Variants in EPB41L4B observed in about 807,000 individuals in gnomAD.
EPB41L4B encodes erythrocyte membrane protein band 4.1 like 4B.
In EPB41L4B, 30 loss-of-function variants were observed where a neutral mutation model predicts 112.5. The ratio of observed to expected loss-of-function variants is 0.27; its 90% CI spans 0.20 to 0.36. The LOEUF (loss-of-function observed/expected upper bound fraction) is 0.36. Ranked by LOEUF, EPB41L4B falls within the 10% of genes least tolerant of loss-of-function variation. The probability of loss-of-function intolerance (pLI) is 1.00; values close to 1 mark genes in which losing one functional copy is unlikely to be tolerated. For synonymous variants in EPB41L4B, 408 were observed against 439.7 expected (o/e 0.93, Z 0.90); for missense variants, 1,024 against 1,133.3 (o/e 0.90, Z 1.38).
intron 1 of EPB41L4B, among the ~76,000 whole-genome samples, chr9:109,283,796 T>G (rs1430839329): frequency 6.6e-6 from 1 of 152,108 alleles, no homozygotes; most frequent in Non-Finnish European, 1.5e-5. Context: ...AAGTTGTAAA[T>G]GCACTTAAGG....
At chr9:109,175,512 C>G (rs1376908943) in intron 25 of EPB41L4B, among the ~76,000 whole-genome samples, 1 of 142,470 alleles carries the variant, frequency 7.0e-6, no homozygotes, top group African/African-American at 2.8e-5. Flanking sequence ...CACACACACA[C>G]AGAGTAAATA....
At chr9:109,306,254 G>A (rs80067155) in intron 1 of EPB41L4B, among the ~76,000 whole-genome samples, 1 of 152,170 alleles carries the variant, frequency 6.6e-6, no homozygotes, top group Non-Finnish European at 1.5e-5. Context: ...AAAAGGAAGG[G>A]AAGGAGCCCT....
chr9:109,244,635 A>G (rs1462357264), intron 14 of EPB41L4B, among the ~76,000 whole-genome samples: 1 of 151,724 alleles, frequency 6.6e-6, no homozygotes, highest in Non-Finnish European at 1.5e-5. Flanking sequence ...TTTTAAGAAG[A>G]GAACACAGAC....
chr9:109,317,233 T>C (rs1837667831), intron 1 of EPB41L4B, among the ~76,000 whole-genome samples: 1 of 152,234 alleles, frequency 6.6e-6, no homozygotes, highest in Non-Finnish European at 1.5e-5. Context: ...ATACAACAAC[T>C]GGCCTGTGGC....
chr9:109,205,814 C>T (rs1832974336), intron 18 of EPB41L4B, among the ~76,000 whole-genome samples: 1 of 152,160 alleles, frequency 6.6e-6, no homozygotes, highest in Non-Finnish European at 1.5e-5. Flanking sequence ...TCTCCATTTT[C>T]ATAGGAGAGA....
intron 6 of EPB41L4B, among the ~76,000 whole-genome samples, chr9:109,262,673 A>T (rs557242196): frequency 8.7e-4 from 132 of 152,214 alleles, no homozygotes; most frequent in Non-Finnish European, 1.6e-3. Context: ...ACTGCATGAA[A>T]TTCTTTCTCT....
At chr9:109,255,445 C>T (rs1205363471) in intron 11 of EPB41L4B, 66 bp downstream of exon 11, 1 of 1,581,136 alleles carries the variant, frequency 6.3e-7, no homozygotes, top group South Asian at 1.1e-5. Context: ...TATTCGCATA[C>T]AAGAAAGAAA....
intron 1 of EPB41L4B, among the ~76,000 whole-genome samples, chr9:109,285,055 C>T (rs191338585): frequency 6.6e-6 from 1 of 152,322 alleles, no homozygotes; most frequent in South Asian, 2.1e-4. Flanking sequence ...AAATCCATAT[C>T]GCCAACCCAG....
At chr9:109,277,989 G>T (rs1835900727) in intron 2 of EPB41L4B, among the ~76,000 whole-genome samples, 1 of 152,182 alleles carries the variant, frequency 6.6e-6, no homozygotes, top group East Asian at 1.9e-4. Context: ...ACAGTGTCCA[G>T]AATATGTAGG....
intron 1 of EPB41L4B, among the ~76,000 whole-genome samples, chr9:109,294,246 A>G (rs1836648209): frequency 6.6e-6 from 1 of 150,630 alleles, no homozygotes; most frequent in South Asian, 2.1e-4. Flanking sequence ...TGAAGCTTGC[A>G]GTGAGCCGAG....
chr9:109,242,847 T>TAA (rs11292845), intron 15 of EPB41L4B, among the ~76,000 whole-genome samples: 2 of 127,148 alleles, frequency 1.6e-5, no homozygotes, highest in Non-Finnish European at 3.3e-5. Context: ...AAGCTAGCCT[T>TAA]AAAAAAAAAA....
intron 1 of EPB41L4B, among the ~76,000 whole-genome samples, chr9:109,311,618 A>G (rs769508419): frequency 2.0e-5 from 3 of 152,208 alleles, no homozygotes; most frequent in Non-Finnish European, 4.4e-5. Flanking sequence ...AAATGCTGAG[A>G]AATGGTAGAC....
intron 15 of EPB41L4B, chr9:109,241,244 T>A: frequency 1.0e-6 from 1 of 988,462 alleles, no homozygotes; most frequent in African/African-American, 1.7e-5. Context: ...GGGAAATGAC[T>A]CGTCCAGGCC....
At chr9:109,239,693 G>T (rs1407883341) in intron 15 of EPB41L4B, 2 of 325,180 alleles carry the variant, frequency 6.2e-6, no homozygotes, top group African/African-American at 2.2e-5. Context: ...TACTGGTGAG[G>T]CTTCTTGGTT....
chr9:109,187,926 G>A (rs1329276221), intron 22 of EPB41L4B, among the ~76,000 whole-genome samples: 1 of 152,054 alleles, frequency 6.6e-6, no homozygotes, highest in Admixed American at 6.5e-5. Context: ...GAACATCCTG[G>A]GGCTCCCACG....
chr9:109,184,345 G>A (rs1016583894), intron 23 of EPB41L4B, among the ~76,000 whole-genome samples: 2 of 152,206 alleles, frequency 1.3e-5, no homozygotes, highest in African/African-American at 4.8e-5. Flanking sequence ...TCAGCCTTCT[G>A]AGTAGCTGGG....
At chr9:109,208,121 AATC>A in intron 17 of EPB41L4B, 72 bp from the exon 18 acceptor site, 1 of 1,581,052 alleles carries the variant, frequency 6.3e-7, no homozygotes, top group Non-Finnish European at 8.6e-7. Flanking sequence ...TTTTCCCAAT[AATC>A]ATAACTGCAT....
intron 1 of EPB41L4B, among the ~76,000 whole-genome samples, chr9:109,280,290 T>G (rs55755744): frequency 6.6e-6 from 1 of 152,222 alleles, no homozygotes; most frequent in African/African-American, 2.4e-5. Context: ...TGTTTCTCAA[T>G]GCAGGCAACC....
chr9:109,241,934 C>T, intron 15 of EPB41L4B: 1 of 898,774 alleles, frequency 1.1e-6, no homozygotes, highest in Non-Finnish European at 1.7e-6. Context: ...ATGGGGATGG[C>T]TATGAATGGA....
Sources: gnomAD v4.1 joint callset for allele counts (sites outside exome capture counted in the v4.1 genomes callset) on GRCh38, gnomAD v4.1.1 for gene constraint, MANE v1.5 for transcripts, NCBI Gene and HGNC (gene_info 2026-07-23, HGNC 2026-07-21) for gene names.